Variants in DTL observed in about 807,000 individuals in gnomAD.
DTL encodes the protein denticleless E3 ubiquitin protein ligase adapter.
In DTL, 46 loss-of-function variants were observed where a neutral mutation model predicts 87.0. That is an observed-to-expected ratio of 0.53 (90% CI 0.42 to 0.68). DTL has a LOEUF of 0.68. DTL is among the 30% of genes least tolerant of loss of function. The pLI is 0.00. For missense variants in DTL, 737 were observed against 869.4 expected, an observed-to-expected ratio of 0.85 and a Z score of 1.91; for synonymous variants, 308 against 311.2, an observed-to-expected ratio of 0.99 and a Z score of 0.11.
At chr1:212,061,564 GACAA>G (rs972302636) in intron 5 of DTL, among the ~76,000 whole-genome samples, 2 of 150,604 alleles carry the variant, frequency 1.3e-5, no homozygotes, top group Non-Finnish European at 3.0e-5. Context: ...TTGATTCAAA[GACAA>G]ACAGTATATC....
intron 10 of DTL, among the ~76,000 whole-genome samples, chr1:212,068,974 A>G (rs530865133): frequency 5.1e-4 from 77 of 152,290 alleles, no homozygotes; most frequent in African/African-American, 1.7e-3. Context: ...GAATTCTCTC[A>G]ATTTTTTATT....
At chr1:212,055,542 A>G (rs917144297) in intron 5 of DTL, among the ~76,000 whole-genome samples, 1 of 152,054 alleles carries the variant, frequency 6.6e-6, no homozygotes, top group Non-Finnish European at 1.5e-5. Flanking sequence ...GCAGCTGCAC[A>G]TTTTCACACT....
intron 8 of DTL, 150 bp downstream of exon 8, chr1:212,067,035 T>C: frequency 1.5e-6 from 1 of 647,664 alleles, no homozygotes; most frequent in Non-Finnish European, 2.6e-6. Context: ...ATAGATCACA[T>C]TGGAAAATAC....
intron 13 of DTL, among the ~76,000 whole-genome samples, chr1:212,090,731 T>G (rs1655256486): frequency 6.6e-6 from 1 of 152,256 alleles, no homozygotes; most frequent in Non-Finnish European, 1.5e-5. Flanking sequence ...GTTTTTTGCC[T>G]TGTGGAAAAT....
intron 2 of DTL, among the ~76,000 whole-genome samples, chr1:212,044,387 T>A (rs1354613843): frequency 6.6e-6 from 1 of 152,128 alleles, no homozygotes. Flanking sequence ...GGTGGATCAC[T>A]TGAGGTCAGG....
At chr1:212,040,119 G>A (rs1223661148) in intron 1 of DTL, among the ~76,000 whole-genome samples, 1 of 152,140 alleles carries the variant, frequency 6.6e-6, no homozygotes, top group South Asian at 2.1e-4. Flanking sequence ...CAGACACATT[G>A]TATAATTGTA....
intron 9 of DTL, 26 bp downstream of exon 9, chr1:212,068,353 G>A (rs1173331203): frequency 2.1e-6 from 3 of 1,438,274 alleles, no homozygotes; most frequent in Non-Finnish European, 2.8e-6. Context: ...GTCTTTTGGG[G>A]GAGATAAGAG....
At chr1:212,048,339 C>A (rs1667866135) in intron 5 of DTL, among the ~76,000 whole-genome samples, 1 of 151,952 alleles carries the variant, frequency 6.6e-6, no homozygotes, top group South Asian at 2.1e-4. Flanking sequence ...ATTACAGGAG[C>A]CTGCCACCAC....
chr1:212,053,532 TATC>T (rs1336729166), intron 5 of DTL, among the ~76,000 whole-genome samples: 1 of 152,160 alleles, frequency 6.6e-6, no homozygotes, highest in Admixed American at 6.5e-5. Context: ...TGCTGAGATT[TATC>T]ATCTTTTTAT....
At chr1:212,096,523 C>G (rs930400598) in intron 13 of DTL, among the ~76,000 whole-genome samples, 1 of 152,148 alleles carries the variant, frequency 6.6e-6, no homozygotes, top group African/African-American at 2.4e-5. Context: ...TGTGAACTTT[C>G]CTCTTAGCAC....
chr1:212,089,085 C>T (rs1553259690), intron 13 of DTL, among the ~76,000 whole-genome samples: 1 of 152,122 alleles, frequency 6.6e-6, no homozygotes, highest in Non-Finnish European at 1.5e-5. Flanking sequence ...GACTCCGTCT[C>T]AAAAAACAAA....
At chr1:212,052,631 G>A (rs184696032) in intron 5 of DTL, among the ~76,000 whole-genome samples, 28 of 135,936 alleles carry the variant, frequency 2.1e-4, no homozygotes, top group African/African-American at 6.3e-4. Flanking sequence ...GCAACAGAGC[G>A]AGACTCTGCC....
At chr1:212,043,401 G>T (rs1667710711) in intron 2 of DTL, among the ~76,000 whole-genome samples, 2 of 152,132 alleles carry the variant, frequency 1.3e-5, no homozygotes, top group Admixed American at 6.5e-5. Context: ...TATGAAAACT[G>T]TTTTATCCAG....
At chr1:212,084,313 G>A (rs767813567) in intron 13 of DTL, among the ~76,000 whole-genome samples, 2 of 151,444 alleles carry the variant, frequency 1.3e-5, no homozygotes, top group Non-Finnish European at 2.9e-5. Flanking sequence ...AGCCTCCTGA[G>A]TAGCTGGAAT....
At chr1:212,054,407 C>CACA (rs112766703) in intron 5 of DTL, among the ~76,000 whole-genome samples, 1 of 136,278 alleles carries the variant, frequency 7.3e-6, no homozygotes, top group African/African-American at 2.9e-5. Flanking sequence ...ACCACACACA[C>CACA]AAAAAAAAAA....
intron 7 of DTL, 115 bp downstream of exon 7, chr1:212,065,144 T>C: frequency 1.3e-6 from 1 of 770,702 alleles, no homozygotes; most frequent in Admixed American, 2.5e-5. Context: ...ATATCAGTGG[T>C]TTATTGCTTA....
intron 5 of DTL, among the ~76,000 whole-genome samples, chr1:212,054,705 G>A (rs1285004395): frequency 6.7e-6 from 1 of 148,164 alleles, no homozygotes; most frequent in Non-Finnish European, 1.5e-5. Flanking sequence ...TGAGGCGGGA[G>A]AAGCGCTTGA....
rs548962726 is a variant in DTL at position 212,063,437 on chromosome 1, C to T, written c.526+488C>T. On this transcript the variant is annotated intron_variant, in intron 6 of 14. Transcript: ENST00000366991. ...CTGAGTAGCTGGGATTACAGCCACCCGCCACCATGCCTGGCTAATTTTTGT... is the reference window on the plus strand; with the variant it reads ...CTGAGTAGCTGGGATTACAGCCACCTGCCACCATGCCTGGCTAATTTTTGT... Among the ~76,000 whole-genome samples the T allele has an allele frequency of 1.1e-3, 163 of 151,714 alleles. 1 individual carries two copies. The highest frequency in any genetic ancestry group is 3.7e-3 in the African/African-American group (151 of 41,368).
At chr1:212,042,858 C>T (rs765081378) in intron 1 of DTL, 135 bp from the exon 2 acceptor site, 5 of 797,980 alleles carry the variant, frequency 6.3e-6, no homozygotes, top group Non-Finnish European at 9.2e-6. Context: ...ATGGTGTCTT[C>T]CATAGATATT....
Sources: allele counts gnomAD v4.1 joint callset (sites outside exome capture counted in the v4.1 genomes callset), GRCh38; gene constraint gnomAD v4.1.1; transcripts MANE v1.5; gene names NCBI Gene and HGNC (gene_info 2026-07-23, HGNC 2026-07-21).